The following NTRK3 variants were observed in gnomAD, a reference collection of about 807,000 sequenced individuals.
The protein encoded by NTRK3 is NT-3 growth factor receptor.
NTRK3 carries 24 observed loss-of-function variants against 91.7 expected under a neutral mutation model. That is an observed-to-expected ratio of 0.26 (90% CI 0.19 to 0.37). NTRK3 has a LOEUF of 0.37. Ranked by LOEUF, NTRK3 falls within the 10% of genes least tolerant of loss-of-function variation. The pLI, the probability that NTRK3 is intolerant of heterozygous loss-of-function variation, is 1.00. For missense variants in NTRK3, 880 were observed against 1,068.9 expected (o/e 0.82, Z 2.46); for synonymous variants, 483 against 404.0 (o/e 1.20, Z -2.34).
chr15:88,163,865 A>G (rs2044689861), intron 5 of NTRK3, among the ~76,000 whole-genome samples: 2 of 152,164 alleles, frequency 1.3e-5, no homozygotes, highest in African/African-American at 4.8e-5. Context: ...CACTTTGGAC[A>G]ATGTGTTATT....
chr15:88,018,596 G>GA (rs1283554595), intron 14 of NTRK3, among the ~76,000 whole-genome samples: 1 of 152,128 alleles, frequency 6.6e-6, no homozygotes, highest in African/African-American at 2.4e-5. Flanking sequence ...ATGACTTCAT[G>GA]AAAAGAAGAG....
intron 13 of NTRK3, among the ~76,000 whole-genome samples, chr15:88,119,503 A>T (rs1346302948): frequency 6.6e-6 from 1 of 152,190 alleles, no homozygotes; most frequent in Non-Finnish European, 1.5e-5. Context: ...AGGGCATGCA[A>T]ACATTTGTTA....
intron 10 of NTRK3, among the ~76,000 whole-genome samples, chr15:88,134,487 T>C (rs1291240628): frequency 6.6e-6 from 1 of 152,156 alleles, no homozygotes; most frequent in Admixed American, 6.5e-5. Flanking sequence ...TAGCTCACCA[T>C]GGAACAAGAG....
At chr15:88,187,678 G>T (rs1157610917) in intron 3 of NTRK3, among the ~76,000 whole-genome samples, 4 of 152,076 alleles carry the variant, frequency 2.6e-5, no homozygotes, top group Admixed American at 6.6e-5. Context: ...AATACTGCCT[G>T]CAAAACAGAC....
intron 14 of NTRK3, among the ~76,000 whole-genome samples, chr15:88,028,797 G>C (rs1370117779): frequency 6.6e-6 from 1 of 152,130 alleles, no homozygotes; most frequent in Non-Finnish European, 1.5e-5. Context: ...TGGGTGTGGG[G>C]AGAAAAGGAT....
Position 88,173,462 on chromosome 15 carries a change from A to G in NTRK3, c.395+9956T>C, listed in dbSNP as rs76549109. 7.0e-4 allele frequency among the ~76,000 whole-genome samples: 106 copies of G among 152,304 alleles called. No individual in the cohort carries two copies. In the East Asian group the frequency reaches 0.02, roughly 29 times the overall value. On this transcript the variant is annotated intron_variant, in intron 5 of 18. Transcript: ENST00000394480. ...AGAAATCTGCCACTCCTGCATCGACATATCACAGCATGATTCATCTCCACC... is the reference window on the plus strand; with the variant it reads ...AGAAATCTGCCACTCCTGCATCGACGTATCACAGCATGATTCATCTCCACC...
At chr15:88,150,149 T>C (rs1321544843) in intron 5 of NTRK3, among the ~76,000 whole-genome samples, 2 of 152,194 alleles carry the variant, frequency 1.3e-5, no homozygotes, top group Admixed American at 6.5e-5. Flanking sequence ...ATGCCCCTGG[T>C]AAGGTACAAA....
chr15:88,248,595 A>T (rs937553793), intron 3 of NTRK3, among the ~76,000 whole-genome samples: 7 of 152,190 alleles, frequency 4.6e-5, no homozygotes, highest in African/African-American at 1.4e-4. Flanking sequence ...AAAAGAGCAT[A>T]GGCAGTATAG....
intron 13 of NTRK3, among the ~76,000 whole-genome samples, chr15:88,089,581 A>T (rs888452806): frequency 6.6e-6 from 1 of 152,238 alleles, no homozygotes; most frequent in Admixed American, 6.5e-5. Flanking sequence ...AAGTAGCAAA[A>T]GTAGTTTACA....
intron 13 of NTRK3, among the ~76,000 whole-genome samples, chr15:88,053,671 C>T (rs1292366877): frequency 6.6e-6 from 1 of 152,170 alleles, no homozygotes; most frequent in Non-Finnish European, 1.5e-5. Context: ...AAAATAATAG[C>T]ACCTACTTGA....
chr15:88,121,068 G>C (rs1012716496), intron 13 of NTRK3, among the ~76,000 whole-genome samples: 5 of 151,186 alleles, frequency 3.3e-5, no homozygotes, highest in African/African-American at 7.3e-5. Flanking sequence ...AGGTGGTCAA[G>C]AGGAAAAGAG....
chr15:88,078,210 A>T (rs2047725533), intron 13 of NTRK3, among the ~76,000 whole-genome samples: 1 of 152,136 alleles, frequency 6.6e-6, no homozygotes, highest in African/African-American at 2.4e-5. Flanking sequence ...GTCTGTTGCA[A>T]TGTACACCCT....
intron 14 of NTRK3, among the ~76,000 whole-genome samples, chr15:87,947,630 G>A (rs1596357338): frequency 6.6e-6 from 1 of 151,922 alleles, no homozygotes; most frequent in Non-Finnish European, 1.5e-5. Context: ...CCATTACAAG[G>A]TGAGTCCTGA....
intron 14 of NTRK3, among the ~76,000 whole-genome samples, chr15:88,006,308 C>A (rs78816946): frequency 0.013 from 1,982 of 152,308 alleles, 48 homozygotes; most frequent in Admixed American, 0.053. Flanking sequence ...AGGGATGAAA[C>A]TTCTGCAGCT....
intron 13 of NTRK3, among the ~76,000 whole-genome samples, chr15:88,034,237 C>T (rs527300869): frequency 6.6e-6 from 1 of 152,342 alleles, no homozygotes; most frequent in Non-Finnish European, 1.5e-5. Context: ...TCCATACCAG[C>T]AGCTGGGCCA....
chr15:88,135,963 G>T, exon 9 of NTRK3: 1 of 1,614,234 alleles, frequency 6.2e-7, no homozygotes, highest in Admixed American at 1.7e-5. Flanking sequence ...TGCACGTCAG[G>T]GTGAAGCCAT....
intron 17 of NTRK3, among the ~76,000 whole-genome samples, chr15:87,917,727 T>C (rs921011618): frequency 8.5e-5 from 13 of 152,238 alleles, no homozygotes; most frequent in Middle Eastern, 6.8e-3. Context: ...CCATGAGATC[T>C]AGTCATTAAA....
At chr15:88,190,357 A>T (rs2047289968) in intron 3 of NTRK3, among the ~76,000 whole-genome samples, 1 of 152,162 alleles carries the variant, frequency 6.6e-6, no homozygotes, top group Non-Finnish European at 1.5e-5. Context: ...CTTTTTAAAC[A>T]GAGTAGACAG....
rs962228357 is a variant in NTRK3, at chr15:88,240,598, C to T, written c.248+15308G>A. ...GGGGTCTGTAATACAGGGCTGCCCCCCTGGCTCTGGAGACAAACCTCAGCT... is the reference window on the plus strand; with the variant it reads ...GGGGTCTGTAATACAGGGCTGCCCCTCTGGCTCTGGAGACAAACCTCAGCT... On this transcript the variant is annotated intron_variant, in intron 3 of 18. Transcript: ENST00000394480. This position sits in a 1 kb window ranked among gnomAD's most constrained non-coding sequence, Gnocchi z 4.9. Among the ~76,000 whole-genome samples, 5 of 152,160 alleles carry T rather than the reference C, an allele frequency of 3.3e-5. No individual in the cohort carries two copies. Among genetic ancestry groups the T allele is most frequent in the Non-Finnish European group, 7.4e-5 (5 of 68,026 alleles).
Sources: allele counts gnomAD v4.1 joint callset (sites outside exome capture counted in the v4.1 genomes callset), GRCh38; gene constraint gnomAD v4.1.1; non-coding constraint Gnocchi (gnomAD v3.1); transcripts MANE v1.5; gene names NCBI Gene and HGNC (gene_info 2026-07-23, HGNC 2026-07-21).